Variants in ARID4B observed in about 807,000 individuals in gnomAD.
The protein encoded by ARID4B is AT-rich interactive domain-containing protein 4B.
Under a neutral mutation model 147.5 loss-of-function variants are expected in ARID4B, and 26 were observed. That is an observed-to-expected ratio of 0.18 (90% CI 0.13 to 0.24). The LOEUF (loss-of-function observed/expected upper bound fraction) is 0.24. Among genes scored for constraint, ARID4B ranks in the 10% least tolerant of loss-of-function variants. ARID4B has a pLI of 1.00. For synonymous variants in ARID4B, 512 were observed against 507.9 expected, an observed-to-expected ratio of 1.01 and a Z score of -0.11; for missense variants, 1,179 against 1,511.5, an observed-to-expected ratio of 0.78 and a Z score of 3.65.
At chr1:235,222,042 T>C (rs1368548790) in intron 13 of ARID4B, among the ~76,000 whole-genome samples, 4 of 151,940 alleles carry the variant, frequency 2.6e-5, no homozygotes, top group East Asian at 3.9e-4. Flanking sequence ...CCCAAGTAGC[T>C]GGGACTATAG....
intron 19 of ARID4B, 148 bp downstream of exon 19, chr1:235,193,865 G>A: frequency 1.8e-6 from 1 of 550,722 alleles, no homozygotes; most frequent in Non-Finnish European, 3.1e-6. Flanking sequence ...AAGAATTTCA[G>A]TTAAGAGATA....
intron 8 of ARID4B, among the ~76,000 whole-genome samples, chr1:235,236,343 T>C (rs774807761): frequency 6.6e-6 from 1 of 152,158 alleles, no homozygotes; most frequent in Non-Finnish European, 1.5e-5. Context: ...AACAGATTAC[T>C]AACCTTTCAA....
intron 2 of ARID4B, among the ~76,000 whole-genome samples, chr1:235,316,625 C>A (rs1030938464): frequency 2.0e-5 from 3 of 152,044 alleles, no homozygotes; most frequent in African/African-American, 7.2e-5. Flanking sequence ...GAGAGACCAG[C>A]CTGGCCAACA....
chr1:235,186,864 T>C (rs977389921), intron 19 of ARID4B, among the ~76,000 whole-genome samples: 6 of 151,920 alleles, frequency 3.9e-5, no homozygotes, highest in African/African-American at 1.5e-4. Flanking sequence ...TTCGGCTAAT[T>C]TTAATATTTT....
At chr1:235,271,801 T>G (rs1306748497) in intron 2 of ARID4B, among the ~76,000 whole-genome samples, 3 of 151,512 alleles carry the variant, frequency 2.0e-5, no homozygotes, top group African/African-American at 7.3e-5. Flanking sequence ...ATAAAAAAAA[T>G]TAGCTGGCCA....
At position 235,229,281 on chromosome 1, in the gene ARID4B, C is replaced by T. The variant is rs1207895006; in HGVS notation, c.847G>A (p.Glu283Lys). 1.2e-6 allele frequency: 2 copies of T among 1,613,000 alleles called. No homozygotes were observed. The highest frequency in any genetic ancestry group is 1.3e-5 in the African/African-American group (1 of 74,880). ...SSSSEAEEEEEEEDDEKEKED... is the reference protein window; with the variant it reads ...SSSSEAEEEEKEEDDEKEKED... ...TTTTCTTTTTCATCATCTTCCTCCT[C>T]CTCTTCTTCCTCTGCTTCACTGCTA... is the stretch of plus-strand genomic sequence containing the variant. The change falls in exon 11 of 24, where the codon GAG (glutamate) becomes AAG (lysine). Residue 283 changes from glutamate (E) to lysine (K), a missense_variant. Physicochemically the swap from Glu to Lys is moderately conservative, Grantham distance 56. Coordinates refer to ENST00000264183, the MANE Select transcript of ARID4B (RefSeq NM_016374.6).
intron 2 of ARID4B, among the ~76,000 whole-genome samples, chr1:235,286,512 A>C (rs1450533617): frequency 2.0e-5 from 3 of 152,216 alleles, no homozygotes; most frequent in Admixed American, 6.5e-5. Flanking sequence ...AGCACGAAGA[A>C]GGACGTAAAT....
chr1:235,286,786 G>A (rs537839605), intron 2 of ARID4B, among the ~76,000 whole-genome samples: 2 of 152,288 alleles, frequency 1.3e-5, no homozygotes, highest in South Asian at 2.1e-4. Context: ...CACTGTGGCT[G>A]CAATGTGAAA....
intron 5 of ARID4B, among the ~76,000 whole-genome samples, chr1:235,255,232 T>G (rs1335452307): frequency 7.9e-4 from 78 of 98,176 alleles, no homozygotes; most frequent in Non-Finnish European, 9.6e-4. Flanking sequence ...GATAGATAGA[T>G]AGATAGATAG....
intron 14 of ARID4B, 46 bp from the exon 15 acceptor site, chr1:235,220,591 T>C: frequency 7.0e-7 from 1 of 1,427,990 alleles, no homozygotes; most frequent in Non-Finnish European, 9.4e-7. Flanking sequence ...CATTTCAAAA[T>C]ATAACTATAG....
chr1:235,300,531 T>C (rs1321625704), intron 2 of ARID4B, among the ~76,000 whole-genome samples: 1 of 152,172 alleles, frequency 6.6e-6, no homozygotes, highest in Non-Finnish European at 1.5e-5. Flanking sequence ...AAAATTAAAG[T>C]ATTCTCATAG....
At chr1:235,280,865 T>C (rs1349402817) in intron 2 of ARID4B, among the ~76,000 whole-genome samples, 1 of 152,188 alleles carries the variant, frequency 6.6e-6, no homozygotes, top group Non-Finnish European at 1.5e-5. Context: ...AGGCCTTGTG[T>C]TGACCCGAGC....
chr1:235,309,921 G>A (rs1305148306), intron 2 of ARID4B, among the ~76,000 whole-genome samples: 1 of 151,748 alleles, frequency 6.6e-6, no homozygotes, highest in Non-Finnish European at 1.5e-5. Context: ...GTCCACTCAG[G>A]GTTAAATGGA....
intron 2 of ARID4B, among the ~76,000 whole-genome samples, chr1:235,321,407 G>A (rs1270242328): frequency 3.9e-5 from 6 of 152,020 alleles, no homozygotes; most frequent in Non-Finnish European, 8.8e-5. Flanking sequence ...TTAACTAGCA[G>A]GTCCAATGAC....
At chr1:235,208,768 C>T (rs556885097) in intron 17 of ARID4B, among the ~76,000 whole-genome samples, 3 of 152,228 alleles carry the variant, frequency 2.0e-5, no homozygotes, top group Admixed American at 6.5e-5. Flanking sequence ...CCGCCCACCT[C>T]GGCCTCCCAA....
intron 9 of ARID4B, among the ~76,000 whole-genome samples, chr1:235,233,559 T>C (rs1668373634): frequency 1.3e-5 from 2 of 152,236 alleles, no homozygotes; most frequent in Admixed American, 1.3e-4. Flanking sequence ...TACAATTCTG[T>C]ATAAAATATC....
At chr1:235,250,344 G>A (rs190966877) in intron 6 of ARID4B, among the ~76,000 whole-genome samples, 3 of 152,102 alleles carry the variant, frequency 2.0e-5, no homozygotes, top group Admixed American at 2.0e-4. Flanking sequence ...TTTCAAAAAC[G>A]TTAAAACTTT....
chr1:235,181,585 CT>C lies in ARID4B; in HGVS notation c.3333del (p.Ala1112ProfsTer8). The C allele has an allele frequency of 6.2e-7, 1 of 1,609,906 alleles. No individual in the cohort carries two copies. The highest frequency in any genetic ancestry group is 1.7e-5 in the Admixed American group (1 of 59,440). Reference protein sequence around the residue: ...SNQPEPEHPEKACTGQKRVKD... With the variant: ...SNQPEPEHPEXACTGQKRVKD... ...TCAACATACACATTTTCCTTCTCAC[CT>C]TTTTCAGGATGTTCTGGTTCTGGCT... On this transcript the variant is annotated frameshift_variant and splice_region_variant, in exon 20 of 24. Coordinates refer to ENST00000264183, the MANE Select transcript of ARID4B (RefSeq NM_016374.6). LOFTEE classifies it high-confidence loss of function.
chr1:235,312,276 G>C (rs1558305708), intron 2 of ARID4B, among the ~76,000 whole-genome samples: 1 of 150,796 alleles, frequency 6.6e-6, no homozygotes, highest in Non-Finnish European at 1.5e-5. Flanking sequence ...CAGAGCGACA[G>C]TCCGTCTCAA....
Sources: allele counts gnomAD v4.1 joint callset (sites outside exome capture counted in the v4.1 genomes callset), GRCh38; gene constraint gnomAD v4.1.1; transcripts MANE v1.5; gene names NCBI Gene and HGNC (gene_info 2026-07-23, HGNC 2026-07-21).